LPAR1: variants seen among roughly 807,000 people sequenced by gnomAD.
LPAR1 encodes lysophosphatidic acid receptor 1, also known as LPA receptor 1.
In LPAR1, 5 loss-of-function variants were observed where a neutral mutation model predicts 23.8. The observed-to-expected ratio is 0.21, with a 90% CI of 0.11 to 0.44. The LOEUF (loss-of-function observed/expected upper bound fraction) is 0.44. LPAR1 is among the 20% of genes least tolerant of loss of function. LPAR1 has a pLI of 0.99. For missense variants in LPAR1, 311 were observed against 482.8 expected (o/e 0.64, Z 3.33); for synonymous variants, 160 against 164.7 (o/e 0.97, Z 0.22).
intron 2 of LPAR1, among the ~76,000 whole-genome samples, chr9:110,977,821 CGGGAGGGA>C (rs1339454172): frequency 1.1e-5 from 1 of 90,458 alleles, no homozygotes; most frequent in African/African-American, 5.1e-5. Context: ...GGAGGGAGGG[CGGGAGGGA>C]GGGAGGGAAG....
chr9:110,948,144 T>A (rs982790880), intron 4 of LPAR1, among the ~76,000 whole-genome samples: 4 of 152,208 alleles, frequency 2.6e-5, no homozygotes. Context: ...TAAATTCTTA[T>A]TCTTAAATTC....
chr9:110,877,128 G>C (rs1170839624), intron 5 of LPAR1, among the ~76,000 whole-genome samples: 1 of 152,214 alleles, frequency 6.6e-6, no homozygotes, highest in Non-Finnish European at 1.5e-5. Flanking sequence ...TGGGGTCATG[G>C]ATTTGGTCCA....
chr9:110,981,173 T>C (rs2096658203), intron 2 of LPAR1, among the ~76,000 whole-genome samples: 1 of 152,156 alleles, frequency 6.6e-6, no homozygotes. Flanking sequence ...CTTATAACTT[T>C]TAACAGTTTG....
At chr9:110,914,188 C>T (rs2092789975) in intron 5 of LPAR1, among the ~76,000 whole-genome samples, 1 of 152,164 alleles carries the variant, frequency 6.6e-6, no homozygotes, top group African/African-American at 2.4e-5. Flanking sequence ...ACTTTTAAAC[C>T]ATTTTATCAC....
chr9:111,035,159 T>C (rs1052351798), intron 2 of LPAR1, among the ~76,000 whole-genome samples: 2 of 152,200 alleles, frequency 1.3e-5, no homozygotes, highest in African/African-American at 4.8e-5. Context: ...AATTCAATAA[T>C]TGTTTGCTGA....
rs1353584970 is a variant in LPAR1 at position 111,038,309 on chromosome 9, C to G, written c.-404G>C. The G allele has an allele frequency of 1.3e-5, 2 of 149,368 alleles. No individual in the cohort carries two copies. The highest frequency in any genetic ancestry group is 3.0e-5 in the Non-Finnish European group (2 of 67,204). 9.3% of individuals were successfully genotyped at this position (149,368 alleles called of 1,614,324 possible). Reference sequence around the variant, plus strand: ...CCTCGGCAGTCGCCCAGAGCGGGGCCGCCCCCTGCGCCCACCCCGCCGGGG... The same window carrying G: ...CCTCGGCAGTCGCCCAGAGCGGGGCGGCCCCCTGCGCCCACCCCGCCGGGG... On this transcript the variant is annotated 5_prime_UTR_variant, in exon 1 of 6. Transcript: ENST00000683809. This position sits in a 1 kb window ranked among gnomAD's most constrained non-coding sequence, Gnocchi z 4.4.
rs76154859 is a variant in LPAR1, at chr9:111,029,153, A to G, written c.-182+6969T>C. Among the ~76,000 whole-genome samples, 430 of 152,330 alleles carry G rather than the reference A, an allele frequency of 2.8e-3. 2 individuals are homozygous for G. The highest frequency in any genetic ancestry group is 9.9e-3 in the African/African-American group (412 of 41,578). ...TAAAATATATCAATCTTTTCACTCTAAAAGTGCTCTCCAGCTTATCACACA... is the reference window on the plus strand; with the variant it reads ...TAAAATATATCAATCTTTTCACTCTGAAAGTGCTCTCCAGCTTATCACACA... On this transcript the variant is annotated intron_variant, in intron 2 of 5. Coordinates refer to ENST00000683809, the MANE Select transcript of LPAR1 (RefSeq NM_001351411.2).
At chr9:110,978,150 A>T (rs1399227065) in intron 2 of LPAR1, among the ~76,000 whole-genome samples, 1 of 152,178 alleles carries the variant, frequency 6.6e-6, no homozygotes, top group Non-Finnish European at 1.5e-5. Flanking sequence ...ATTCCAGGGG[A>T]CATAGTAGAA....
chr9:111,011,626 A>C (rs7024453), intron 2 of LPAR1, among the ~76,000 whole-genome samples: 30,167 of 152,048 alleles, frequency 0.2, 4,296 homozygotes, highest in African/African-American at 0.4. Flanking sequence ...AGATCCTTTA[A>C]AACTTCTTTC....
chr9:111,022,387 C>T (rs2141127949), intron 2 of LPAR1, among the ~76,000 whole-genome samples: 1 of 152,308 alleles, frequency 6.6e-6, no homozygotes, highest in South Asian at 2.1e-4. Context: ...GGTCTCCCAT[C>T]TCACGTGGTC....
chr9:110,963,776 T>C (rs2096090015), intron 4 of LPAR1, among the ~76,000 whole-genome samples: 1 of 152,208 alleles, frequency 6.6e-6, no homozygotes, highest in Non-Finnish European at 1.5e-5. Context: ...TTAACAGTTA[T>C]TTTTGCCATT....
Position 110,941,992 on chromosome 9 carries a change from G to T in LPAR1, c.222C>A (p.Ile74=). ...MLANLLVMVA[I]YVNRRFHFPI... ...GAAAATGGAAGCGGCGGTTGACATAGATTGCCACCATGACCAATAGGTTGG... is the reference window on the plus strand; with the variant it reads ...GAAAATGGAAGCGGCGGTTGACATATATTGCCACCATGACCAATAGGTTGG... Residue 74 remains isoleucine (I), a synonymous_variant, in exon 5 of 6, where the codon ATC becomes ATA. Transcript: ENST00000683809. This position sits in a 1 kb window ranked among gnomAD's most constrained non-coding sequence, Gnocchi z 6.1. 6.2e-7 allele frequency: 1 copy of T among 1,614,166 alleles called. No individual in the cohort carries two copies. The highest frequency in any genetic ancestry group is 8.5e-7 in the Non-Finnish European group (1 of 1,179,998).
At chr9:110,900,703 A>G (rs1261353180) in intron 5 of LPAR1, among the ~76,000 whole-genome samples, 1 of 152,224 alleles carries the variant, frequency 6.6e-6, no homozygotes, top group East Asian at 1.9e-4. Context: ...ACAAATGAGG[A>G]AATATGATTC....
At chr9:111,000,688 C>G (rs1025780298) in intron 2 of LPAR1, among the ~76,000 whole-genome samples, 2 of 152,158 alleles carry the variant, frequency 1.3e-5, no homozygotes, top group African/African-American at 2.4e-5. Flanking sequence ...AAAGTCTAGG[C>G]CCACACTGTC....
rs1444878853 is a variant in LPAR1 at position 110,932,316 on chromosome 9, A to G, written c.793+9105T>C. ...CCATGATGATTCTTCACAGAGATTCATGAGGTAGCAGTGAGAGATTAGGAG... is the reference window on the plus strand; with the variant it reads ...CCATGATGATTCTTCACAGAGATTCGTGAGGTAGCAGTGAGAGATTAGGAG... On this transcript the variant is annotated intron_variant, in intron 5 of 5. Coordinates refer to ENST00000683809, the MANE Select transcript of LPAR1 (RefSeq NM_001351411.2). Among the ~76,000 whole-genome samples the G allele has an allele frequency of 2.0e-5, 3 of 152,216 alleles. No homozygotes were observed. In the East Asian group the frequency reaches 5.8e-4, roughly 29 times the overall value.
At chr9:110,992,233 T>C (rs2096910622) in intron 2 of LPAR1, among the ~76,000 whole-genome samples, 1 of 152,120 alleles carries the variant, frequency 6.6e-6, no homozygotes, top group Non-Finnish European at 1.5e-5. Flanking sequence ...TTACCAAAGA[T>C]AATATACGGA....
rs186880154 is a variant in LPAR1, at chr9:110,875,184, T to C, written c.*237A>G. On this transcript the variant is annotated 3_prime_UTR_variant, in exon 6 of 6. Coordinates refer to ENST00000683809, the MANE Select transcript of LPAR1 (RefSeq NM_001351411.2). ...TGTTCTTGAATTCCATTGCAAGAGC[T>C]CCAACTTCCTACTTTCAGAAGGGAT... 1.9e-5 allele frequency: 8 copies of C among 425,106 alleles called. No individual in the cohort carries two copies. In the Admixed American group the frequency reaches 2.8e-4, roughly 15 times the overall value. The allele number at this position is 425,106 out of a possible 1,614,324, so 26.3% of individuals were successfully genotyped here.
chr9:110,885,073 T>G (rs897061524), intron 5 of LPAR1, among the ~76,000 whole-genome samples: 6 of 152,206 alleles, frequency 3.9e-5, no homozygotes, highest in Admixed American at 2.6e-4. Flanking sequence ...TCAGATTTTT[T>G]TATTTTCAGG....
chr9:110,892,357 T>A (rs905862333), intron 5 of LPAR1, among the ~76,000 whole-genome samples: 1 of 152,090 alleles, frequency 6.6e-6, no homozygotes, highest in Non-Finnish European at 1.5e-5. Flanking sequence ...CTTCTTCTAG[T>A]TTCCTGTAGA....
Sources: allele counts gnomAD v4.1 joint callset (sites outside exome capture counted in the v4.1 genomes callset), GRCh38; gene constraint gnomAD v4.1.1; non-coding constraint Gnocchi (gnomAD v3.1); transcripts MANE v1.5; gene names NCBI Gene and HGNC (gene_info 2026-07-23, HGNC 2026-07-21).